The following TSPAN5 variants were observed in gnomAD, a reference collection of about 807,000 sequenced individuals.
The protein encoded by TSPAN5 is tetraspanin-5.
Under a neutral mutation model 37.1 loss-of-function variants are expected in TSPAN5, and 10 were observed. The observed-to-expected ratio is 0.27, with a 90% confidence interval of 0.17 to 0.46. TSPAN5 has a LOEUF of 0.46. TSPAN5 is among the 20% of genes least tolerant of loss of function. TSPAN5 has a pLI of 1.00. For missense variants in TSPAN5, 195 were observed against 326.6 expected (o/e 0.60, Z 3.11); for synonymous variants, 110 against 118.9 (o/e 0.93, Z 0.48).
rs537732994 is a variant in TSPAN5 at position 98,527,893 on chromosome 4, A to G, written c.82-20165T>C. Among the ~76,000 whole-genome samples the G allele has an allele frequency of 3.3e-5, 5 of 152,366 alleles. No homozygotes were observed. In the South Asian group the frequency reaches 1.0e-3, roughly 32 times the overall value. On this transcript the variant is annotated intron_variant, in intron 1 of 7. Coordinates refer to ENST00000305798, the MANE Select transcript of TSPAN5 (RefSeq NM_005723.4). Reference sequence around the variant, plus strand: ...CGGGATAATGTTGTGTCTAATTTAAAGAGGAAAAAAGAATTCAGAAGTAGC... The same window carrying G: ...CGGGATAATGTTGTGTCTAATTTAAGGAGGAAAAAAGAATTCAGAAGTAGC...
intron 1 of TSPAN5, among the ~76,000 whole-genome samples, chr4:98,522,749 C>T (rs937912462): frequency 4.6e-5 from 7 of 152,226 alleles, no homozygotes; most frequent in Non-Finnish European, 1.0e-4. Context: ...TTTGATCCAT[C>T]TTACTGGCTC....
chr4:98,631,108 A>G (rs1756736064), intron 1 of TSPAN5, among the ~76,000 whole-genome samples: 1 of 152,182 alleles, frequency 6.6e-6, no homozygotes, highest in African/African-American at 2.4e-5. Flanking sequence ...TTTTCAGCCA[A>G]TCCAAATTCA....
intron 4 of TSPAN5, 138 bp from the exon 5 acceptor site, chr4:98,478,948 G>T: frequency 9.8e-7 from 1 of 1,019,074 alleles, no homozygotes; most frequent in Non-Finnish European, 1.4e-6. Flanking sequence ...AAGCCAAACT[G>T]AACCTAAATG....
intron 1 of TSPAN5, among the ~76,000 whole-genome samples, chr4:98,571,962 TTTTATTTA>T (rs58535549): frequency 4.6e-5 from 7 of 150,768 alleles, no homozygotes; most frequent in Non-Finnish European, 1.0e-4. Flanking sequence ...GAGAGAGACA[TTTTATTTA>T]TTTATTTATT....
rs1466325901 is a variant in TSPAN5, at chr4:98,592,437, T to G, written c.81+65709A>C. ...GGGATCTCTGTTTTTTGTTTTTTTT[T>G]TTTTTTTTTTTATTATACTCTAAGT... is the stretch of plus-strand genomic sequence containing the variant. On this transcript the variant is annotated intron_variant, in intron 1 of 7. Coordinates refer to ENST00000305798, the MANE Select transcript of TSPAN5 (RefSeq NM_005723.4). Among the ~76,000 whole-genome samples the G allele has an allele frequency of 1.9e-3, 287 of 148,678 alleles. 3 individuals are homozygous for G. The highest frequency in any genetic ancestry group is 5.1e-3 in the South Asian group (24 of 4,694).
intron 1 of TSPAN5, among the ~76,000 whole-genome samples, chr4:98,514,073 C>T (rs1379028261): frequency 6.6e-6 from 1 of 152,142 alleles, no homozygotes; most frequent in Non-Finnish European, 1.5e-5. Context: ...TCAAGTCAAT[C>T]TTCTTACCTA....
chr4:98,510,616 T>C (rs1339188010), intron 1 of TSPAN5, among the ~76,000 whole-genome samples: 1 of 152,136 alleles, frequency 6.6e-6, no homozygotes, highest in Admixed American at 6.5e-5. Context: ...TGGAAACCAA[T>C]GGTTTTCCAT....
chr4:98,540,189 T>C (rs1299933532), intron 1 of TSPAN5, among the ~76,000 whole-genome samples: 2 of 152,212 alleles, frequency 1.3e-5, no homozygotes, highest in African/African-American at 2.4e-5. Context: ...CTCATACACA[T>C]AGATTTTCAA....
chr4:98,602,880 T>C (rs1369989259), intron 1 of TSPAN5, among the ~76,000 whole-genome samples: 1 of 152,112 alleles, frequency 6.6e-6, no homozygotes, highest in Non-Finnish European at 1.5e-5. Flanking sequence ...CATACAGCAA[T>C]GCAATAAAGT....
At chr4:98,566,885 C>T (rs1057486345) in intron 1 of TSPAN5, among the ~76,000 whole-genome samples, 2 of 152,194 alleles carry the variant, frequency 1.3e-5, no homozygotes, top group East Asian at 1.9e-4. Flanking sequence ...CTGGGGCCAA[C>T]GAACAAGCCT....
intron 1 of TSPAN5, among the ~76,000 whole-genome samples, chr4:98,644,922 A>G (rs1757030274): frequency 1.3e-5 from 2 of 152,216 alleles, no homozygotes; most frequent in African/African-American, 4.8e-5. Context: ...GCAAACATTT[A>G]AACACATTCC....
chr4:98,599,540 T>C (rs1434571787), intron 1 of TSPAN5, among the ~76,000 whole-genome samples: 1 of 152,164 alleles, frequency 6.6e-6, no homozygotes, highest in Admixed American at 6.5e-5. Flanking sequence ...ATCCCCACAA[T>C]CAAAATATAC....
intron 1 of TSPAN5, among the ~76,000 whole-genome samples, chr4:98,630,204 C>T (rs1472253586): frequency 2.6e-5 from 4 of 152,128 alleles, no homozygotes; most frequent in African/African-American, 9.7e-5. Flanking sequence ...TGCAAGGGTG[C>T]TCAAAGTGAA....
At chr4:98,495,343 C>T (rs530516052) in intron 2 of TSPAN5, among the ~76,000 whole-genome samples, 119 of 152,068 alleles carry the variant, frequency 7.8e-4, no homozygotes, top group Non-Finnish European at 1.3e-3. Flanking sequence ...TCCTGGCTAA[C>T]GTGGTGAAAT....
At chr4:98,656,218 T>G (rs997689493) in intron 1 of TSPAN5, among the ~76,000 whole-genome samples, 1 of 152,096 alleles carries the variant, frequency 6.6e-6, no homozygotes, top group Non-Finnish European at 1.5e-5. Context: ...AGGGCTAAAT[T>G]TGTCTCTATG....
At chr4:98,518,333 ATGCTAGG>A (rs1578961759) in intron 1 of TSPAN5, among the ~76,000 whole-genome samples, 2 of 152,198 alleles carry the variant, frequency 1.3e-5, no homozygotes, top group East Asian at 3.8e-4. Flanking sequence ...ACCAGCCACC[ATGCTAGG>A]TGCCAGGGAT....
chr4:98,564,710 T>TC (rs1294328377), intron 1 of TSPAN5, among the ~76,000 whole-genome samples: 32 of 152,210 alleles, frequency 2.1e-4, no homozygotes, highest in Admixed American at 1.7e-3. Context: ...TTTTTTTTCT[T>TC]TTTTGAGATG....
intron 1 of TSPAN5, among the ~76,000 whole-genome samples, chr4:98,557,833 T>C (rs1022745055): frequency 3.3e-5 from 5 of 152,196 alleles, no homozygotes; most frequent in African/African-American, 1.2e-4. Flanking sequence ...TCCCCTAGTC[T>C]AATCATGAGA....
At chr4:98,498,447 A>T (rs1753265315) in intron 2 of TSPAN5, among the ~76,000 whole-genome samples, 1 of 152,144 alleles carries the variant, frequency 6.6e-6, no homozygotes, top group Non-Finnish European at 1.5e-5. Flanking sequence ...CTTGCCTCTG[A>T]TTTCACTGAT....
Sources: allele counts gnomAD v4.1 joint callset (sites outside exome capture counted in the v4.1 genomes callset), GRCh38; gene constraint gnomAD v4.1.1; transcripts MANE v1.5; gene names NCBI Gene and HGNC (gene_info 2026-07-23, HGNC 2026-07-21).